The following OR51B5 variants were observed in gnomAD, a reference collection of about 807,000 sequenced individuals.
OR51B5 encodes the protein olfactory receptor family 51 subfamily B member 5.
For synonymous variants in OR51B5, 186 were observed against 144.8 expected (o/e 1.28, Z -2.04); for missense variants, 456 against 374.6 (o/e 1.22, Z -1.79).
At chr11:5,375,107 G>A (rs926219006) in intron 1 of OR51B5, among the ~76,000 whole-genome samples, 3 of 149,830 alleles carry the variant, frequency 2.0e-5, no homozygotes, top group African/African-American at 7.4e-5. Context: ...CCCACAAAGG[G>A]AAGCCCATCA....
upstream of OR51B5, among the ~76,000 whole-genome samples, chr11:5,347,983 A>G (rs1849019097): frequency 6.6e-6 from 1 of 152,178 alleles, no homozygotes; most frequent in Non-Finnish European, 1.5e-5. Flanking sequence ...GGAAGGGAAC[A>G]AAGTTTCAGG....
intron 1 of OR51B5, among the ~76,000 whole-genome samples, chr11:5,501,275 C>T (rs1846289873): frequency 6.8e-6 from 1 of 147,762 alleles, no homozygotes; most frequent in African/African-American, 2.4e-5. Context: ...AGAACTCCCA[C>T]CAAAAGAGGA....
At chr11:5,494,050 T>G (rs1217699939) in intron 1 of OR51B5, among the ~76,000 whole-genome samples, 1 of 152,222 alleles carries the variant, frequency 6.6e-6, no homozygotes, top group Non-Finnish European at 1.5e-5. Flanking sequence ...CTGAGCCTCA[T>G]AGCTGGCTGT....
intron 1 of OR51B5, among the ~76,000 whole-genome samples, chr11:5,388,010 C>T (rs1007887348): frequency 2.6e-5 from 4 of 152,002 alleles, no homozygotes; most frequent in African/African-American, 4.8e-5. Flanking sequence ...TGGTAAAAAC[C>T]ACAATTACTT....
chr11:5,372,364 A>T (rs1358878966), intron 1 of OR51B5, among the ~76,000 whole-genome samples: 1 of 152,146 alleles, frequency 6.6e-6, no homozygotes, highest in African/African-American at 2.4e-5. Context: ...TATAATGGCT[A>T]TGTTAACTTA....
At chr11:5,381,984 T>C (rs1434563006) in intron 1 of OR51B5, among the ~76,000 whole-genome samples, 2 of 152,236 alleles carry the variant, frequency 1.3e-5, no homozygotes, top group African/African-American at 4.8e-5. Flanking sequence ...TCCAGCTCCA[T>C]ACACCAAAAT....
chr11:5,354,206 T>C (rs1249197143), intron 1 of OR51B5, among the ~76,000 whole-genome samples: 1 of 152,218 alleles, frequency 6.6e-6, no homozygotes, highest in African/African-American at 2.4e-5. Flanking sequence ...ATATGGGCAA[T>C]GTATACTTAA....
chr11:5,467,427 A>C (rs1342360425), intron 1 of OR51B5, among the ~76,000 whole-genome samples: 1 of 152,206 alleles, frequency 6.6e-6, no homozygotes, highest in Non-Finnish European at 1.5e-5. Flanking sequence ...GAGGAAAAAA[A>C]ATTATTAGCT....
chr11:5,424,028 C>A (rs1850402148), intron 1 of OR51B5, among the ~76,000 whole-genome samples: 1 of 152,084 alleles, frequency 6.6e-6, no homozygotes, highest in Non-Finnish European at 1.5e-5. Context: ...GTGATATGAC[C>A]TTAAGGATCA....
intron 1 of OR51B5, among the ~76,000 whole-genome samples, chr11:5,356,204 T>G (rs929120029): frequency 6.6e-6 from 1 of 151,994 alleles, no homozygotes; most frequent in Non-Finnish European, 1.5e-5. Flanking sequence ...CTCGAACCCA[T>G]GGCAAAAAAG....
intron 1 of OR51B5, chr11:5,402,509 C>T (rs1271350868): frequency 5.4e-6 from 2 of 373,434 alleles, no homozygotes; most frequent in Admixed American, 7.0e-5. Flanking sequence ...CCCTCAGTGC[C>T]CAGTTGTCTT....
chr11:5,371,503 A>G (rs1389969882), intron 1 of OR51B5, among the ~76,000 whole-genome samples: 1 of 152,134 alleles, frequency 6.6e-6, no homozygotes, highest in Non-Finnish European at 1.5e-5. Context: ...TTAAAAATAG[A>G]GAAAAACATA....
intron 1 of OR51B5, chr11:5,488,970 G>T: frequency 6.2e-7 from 1 of 1,614,064 alleles, no homozygotes; most frequent in African/African-American, 1.3e-5. Flanking sequence ...TGGCCATTTT[G>T]TGGCTCCATG....
At chr11:5,348,121 G>A (rs1164707612), upstream of OR51B5, among the ~76,000 whole-genome samples, 1 of 152,078 alleles carries the variant, frequency 6.6e-6, no homozygotes, top group East Asian at 1.9e-4. Context: ...GCTAAGAGTA[G>A]ATATATGTAG....
chr11:5,504,264 A>G (rs1324493002), intron 1 of OR51B5, among the ~76,000 whole-genome samples: 3 of 152,184 alleles, frequency 2.0e-5, no homozygotes, highest in African/African-American at 7.2e-5. Context: ...TTTCTCCTTA[A>G]CTGCCGTCTA....
intron 1 of OR51B5, among the ~76,000 whole-genome samples, chr11:5,386,969 G>C (rs1271979869): frequency 2.0e-5 from 3 of 152,064 alleles, no homozygotes; most frequent in African/African-American, 4.8e-5. Flanking sequence ...AGTTTCATCA[G>C]TATCCTTTTG....
At chr11:5,341,164 A>C (rs2133675328), downstream of OR51B5, 1 of 152,288 alleles carries the variant, frequency 6.6e-6, no homozygotes, top group African/African-American at 2.4e-5. Flanking sequence ...AAATGTGTGC[A>C]ATTTATTAAT....
intron 1 of OR51B5, among the ~76,000 whole-genome samples, chr11:5,471,556 A>T (rs1004304181): frequency 6.6e-6 from 1 of 151,858 alleles, no homozygotes; most frequent in African/African-American, 2.4e-5. Context: ...GAATCCCTTG[A>T]ACTCGGGAAG....
At chr11:5,477,614 C>G (rs1851332005) in intron 1 of OR51B5, among the ~76,000 whole-genome samples, 1 of 152,270 alleles carries the variant, frequency 6.6e-6, no homozygotes, top group Non-Finnish European at 1.5e-5. Flanking sequence ...GTTCATATCA[C>G]TAGGGAGTGC....
Sources: allele counts gnomAD v4.1 joint callset (sites outside exome capture counted in the v4.1 genomes callset), GRCh38; gene constraint gnomAD v4.1.1; transcripts MANE v1.5; gene names NCBI Gene and HGNC (gene_info 2026-07-23, HGNC 2026-07-21).